Variants in COL11A2 observed in about 807,000 individuals in gnomAD.
COL11A2 encodes the protein collagen alpha-2(XI) chain.
Under a neutral mutation model 273.4 loss-of-function variants are expected in COL11A2, and 116 were observed. That is an observed-to-expected ratio of 0.42 (90% CI 0.36 to 0.49). The LOEUF (loss-of-function observed/expected upper bound fraction) is 0.49. Ranked by LOEUF, COL11A2 falls within the 20% of genes least tolerant of loss-of-function variation. The pLI, the probability that COL11A2 is intolerant of heterozygous loss-of-function variation, is 0.00. For missense variants in COL11A2, 1,866 were observed against 2,309.0 expected, an observed-to-expected ratio of 0.81 and a Z score of 3.93; for synonymous variants, 782 against 864.2, an observed-to-expected ratio of 0.90 and a Z score of 1.67.
rs142866592 is a variant in COL11A2, at chr6:33,180,011, C to T, written c.1360-206G>A. Among the ~76,000 whole-genome samples the T allele has an allele frequency of 2.2e-4, 33 of 152,326 alleles. 1 individual carries two copies. The Middle Eastern group carries it at 0.01, about 47-fold the overall frequency. On this transcript the variant is annotated intron_variant, in intron 12 of 65. Coordinates refer to ENST00000341947, the MANE Select transcript of COL11A2 (RefSeq NM_080680.3). Reference sequence around the variant, plus strand: ...TCCAGCCTCTGCCTCCAGAAAGACTCTCTTTTGGTTCTAGAGCTCCTGAAA... The same window carrying T: ...TCCAGCCTCTGCCTCCAGAAAGACTTTCTTTTGGTTCTAGAGCTCCTGAAA...
intron 11 of COL11A2, 24 bp downstream of exon 11, chr6:33,180,644 G>A (rs776117564): frequency 1.5e-5 from 24 of 1,588,966 alleles, no homozygotes; most frequent in South Asian, 3.4e-5. Context: ...AAGCTCCCCC[G>A]TCACATGGAG....
At chr6:33,187,166 T>G (rs1772537899) in intron 4 of COL11A2, among the ~76,000 whole-genome samples, 1 of 152,186 alleles carries the variant, frequency 6.6e-6, no homozygotes, top group Admixed American at 6.5e-5. Context: ...CTCTGCGCTT[T>G]GTGGCAATGC....
At chr6:33,168,680 G>C in intron 53 of COL11A2, 26 bp downstream of exon 53, 1 of 1,589,822 alleles carries the variant, frequency 6.3e-7, no homozygotes, top group Non-Finnish European at 8.6e-7. Flanking sequence ...GGGCTCAGGG[G>C]GGTGGTGGGG....
chr6:33,171,745 G>T lies in COL11A2; in HGVS notation c.3118C>A (p.Pro1040Thr), dbSNP rs759919085. The T allele has an allele frequency of 4.3e-5, 70 of 1,612,844 alleles. No individual in the cohort carries two copies. The highest frequency in any genetic ancestry group is 5.5e-5 in the Non-Finnish European group (65 of 1,179,990). ...CCTTTCTCTCCTGCTGCTCCAGGGG[G>T]ACCCTGCGGGCCTGGGCGCCCTGGC... ...GPPGRPGPQG[P>T]PGAAGEKGVP... The change falls in exon 42 of 66, where the codon CCC becomes ACC. Residue 1040 changes from proline to threonine, a missense_variant. Physicochemically the swap from Pro to Thr is conservative, Grantham distance 38 (BLOSUM62 -1). Transcript: ENST00000341947.
At chr6:33,172,984 C>T (rs1424790968) in intron 38 of COL11A2, 76 bp downstream of exon 38, 15 of 1,478,438 alleles carry the variant, frequency 1.0e-5, no homozygotes, top group East Asian at 2.3e-5. Context: ...GGGGCAGGGG[C>T]GTGTGACCGA....
rs764694092 is a variant in COL11A2, at chr6:33,176,353, G to T, written c.2170-50C>A. ...TAGACTGATCAGGGGATGGAGGTGG[G>T]TTGGAAGGACCAAGCTCCTAAGACC... On this transcript the variant is annotated intron_variant, in intron 27 of 65. Coordinates refer to ENST00000341947, the MANE Select transcript of COL11A2 (RefSeq NM_080680.3). This position sits in a 1 kb window ranked among gnomAD's most constrained non-coding sequence, Gnocchi z 4.9. 14 of 1,601,060 alleles carry T rather than the reference G, an allele frequency of 8.7e-6. No homozygotes were observed. The Admixed American group carries it at 2.4e-4, about 28-fold the overall frequency.
At position 33,177,139 on chromosome 6, in the gene COL11A2, C is replaced by T. The variant is rs770886269; in HGVS notation, c.2016+42G>A. The T allele has an allele frequency of 1.2e-6, 2 of 1,612,724 alleles. No individual in the cohort carries two copies. The highest frequency in any genetic ancestry group is 2.7e-5 in the African/African-American group (2 of 74,908). ...GACATTTAGGGTTCTCCCTACATCCCCACTCTAAACCCCCTGTCCTCCAAA... is the reference window on the plus strand; with the variant it reads ...GACATTTAGGGTTCTCCCTACATCCTCACTCTAAACCCCCTGTCCTCCAAA... On this transcript the variant is annotated intron_variant, in intron 24 of 65. Transcript: ENST00000341947. The surrounding 1 kb of genome is among the most constrained non-coding windows in gnomAD (Gnocchi z 5.9).
Position 33,177,207 on chromosome 6 carries a change from C to A in COL11A2, c.1990G>T (p.Gly664Cys). Reference protein sequence around the residue: ...PGTQGLPGPQGAIGPHGEKGP... With the variant: ...PGTQGLPGPQCAIGPHGEKGP... Reference sequence around the variant, plus strand: ...TTCTCTCCATGAGGGCCGATGGCACCCTGGGGCCCGGGAAGACCCTACATA... The same window carrying A: ...TTCTCTCCATGAGGGCCGATGGCACACTGGGGCCCGGGAAGACCCTACATA... Residue 664 changes from glycine to cysteine, a missense_variant, in exon 24 of 66, where the codon GGT becomes TGT. Transcript: ENST00000341947. The surrounding 1 kb of genome is among the most constrained non-coding windows in gnomAD (Gnocchi z 5.9). The A allele has an allele frequency of 6.2e-7, 1 of 1,613,076 alleles. No individual in the cohort carries two copies. The highest frequency in any genetic ancestry group is 8.5e-7 in the Non-Finnish European group (1 of 1,180,016).
chr6:33,170,784 A>G lies in COL11A2; in HGVS notation c.3474+26T>C, dbSNP rs768082690. On this transcript the variant is annotated intron_variant, in intron 46 of 65. Transcript: ENST00000341947. This position sits in a 1 kb window ranked among gnomAD's most constrained non-coding sequence, Gnocchi z 4.3. ...TCACCCCATCCTGACCCCACCTCTC[A>G]GCCCCTGTCCTATCCCCCAACACAC... 2 of 1,608,812 alleles carry G rather than the reference A, an allele frequency of 1.2e-6. No individual in the cohort carries two copies. The highest frequency in any genetic ancestry group is 2.2e-5 in the East Asian group (1 of 44,746).
chr6:33,166,889 G>GT lies in COL11A2; in HGVS notation c.4231-63_4231-62insA. The GT allele has an allele frequency of 6.4e-7, 1 of 1,569,796 alleles. No homozygotes were observed. The highest frequency in any genetic ancestry group is 8.7e-7 in the Non-Finnish European group (1 of 1,149,174). On this transcript the variant is annotated intron_variant, in intron 58 of 65. Transcript: ENST00000341947. The surrounding 1 kb of genome is among the most constrained non-coding windows in gnomAD (Gnocchi z 4.8). ...AGGAGTCATGTGGATGGGGGAGAAG[G>GT]GCCAAGAGGACATGGAGAGGGAGCC...
At chr6:33,168,832 C>T in intron 52 of COL11A2, 73 bp from the exon 53 acceptor site, 1 of 1,605,854 alleles carries the variant, frequency 6.2e-7, no homozygotes, top group Non-Finnish European at 8.5e-7. Context: ...GTCAATACCC[C>T]ATCCCCTTGC....
chr6:33,179,637 C>G lies in COL11A2; in HGVS notation c.1446+82G>C, dbSNP rs1408065020. On this transcript the variant is annotated intron_variant, in intron 13 of 65. Coordinates refer to ENST00000341947, the MANE Select transcript of COL11A2 (RefSeq NM_080680.3). The surrounding 1 kb of genome is among the most constrained non-coding windows in gnomAD (Gnocchi z 6.4). ...CTGTTAACCCCAAACCAACCCAGGC[C>G]TCCCCTGCCGCACACTCACTCCAGC... is the stretch of plus-strand genomic sequence containing the variant. The G allele has an allele frequency of 1.9e-6, 3 of 1,546,788 alleles. No homozygotes were observed. The highest frequency in any genetic ancestry group is 1.8e-6 in the Non-Finnish European group (2 of 1,131,010).
chr6:33,181,035 C>A, intron 9 of COL11A2, 30 bp from the exon 10 acceptor site: 1 of 1,614,144 alleles, frequency 6.2e-7, no homozygotes, highest in Non-Finnish European at 8.5e-7. Flanking sequence ...AAATCAGAGG[C>A]GACAGGACCA....
Position 33,168,735 on chromosome 6 carries a change from G to A in COL11A2, c.3877C>T (p.Arg1293Ter), listed in dbSNP as rs746754428. 1.3e-6 allele frequency: 2 copies of A among 1,595,716 alleles called. No individual in the cohort carries two copies. Among genetic ancestry groups the A allele is most frequent in the Admixed American group, 1.7e-5 (1 of 57,874 alleles). ...TGTCCTGGCTCACCATCCTCGCCTC[G>A]GTCACCCTTAGCACCATCCTGGCCC... The part of the protein sequence containing the change: ...PRGQDGAKGD[R>*]GEDGEPGQPG... The change falls in exon 53 of 66, where the codon CGA (arginine) becomes TGA (stop). Residue 1293 changes from arginine (R) to a stop codon, truncating the protein, a stop_gained. Transcript: ENST00000341947. LOFTEE classifies it high-confidence loss of function.
At position 33,166,172 on chromosome 6, in the gene COL11A2, G is replaced by A. The variant is rs746317342; in HGVS notation, c.4427C>T (p.Thr1476Ile). ...PAGPKGAKGA[T>I]GPGGPKGEKG... ...TCAGAGCTGAAGGGGGTCACTCACT[G>A]TGGCTCCTTTGGCTCCTTTGGGGCC... The change falls in exon 61 of 66, where the codon ACA becomes ATA. Residue 1476 changes from threonine to isoleucine, a missense_variant and splice_region_variant. Transcript: ENST00000341947. This position sits in a 1 kb window ranked among gnomAD's most constrained non-coding sequence, Gnocchi z 4.8. The A allele has an allele frequency of 2.5e-6, 4 of 1,607,942 alleles. No individual in the cohort carries two copies. The highest frequency in any genetic ancestry group is 3.4e-6 in the Non-Finnish European group (4 of 1,177,822).
Position 33,178,979 on chromosome 6 carries a change from A to G in COL11A2, c.1612-6T>C, listed in dbSNP as rs1172275769. 2 of 1,613,996 alleles carry G rather than the reference A, an allele frequency of 1.2e-6. No homozygotes were observed. Among genetic ancestry groups the G allele is most frequent in the Non-Finnish European group, 8.5e-7 (1 of 1,180,018 alleles). The stretch of plus-strand genomic sequence containing the variant: ...CCATCAGCACCTGCCCGGCCCTGGG[A>G]GAACAAGGGAAGTGTCAGAACAAGC... On this transcript the variant is annotated splice_region_variant and splice_polypyrimidine_tract_variant and intron_variant, in intron 16 of 65. Coordinates refer to ENST00000341947, the MANE Select transcript of COL11A2 (RefSeq NM_080680.3). This position sits in a 1 kb window ranked among gnomAD's most constrained non-coding sequence, Gnocchi z 4.6.
In COL11A2 at chr6:33,163,724, G is replaced by A. The variant is rs2229792; in HGVS notation, c.5165C>T (p.Pro1722Leu). ...CCCCAGCAGCACCCCTCCCCGCCTC[G>A]GTGGGGCTCCCAGGTCTGAGAAGGA... Reference protein sequence around the residue: ...DASFSDLGAPPRRGGVLLGPV... With the variant: ...DASFSDLGAPLRRGGVLLGPV... Residue 1722 changes from proline to leucine, a missense_variant, in exon 66 of 66, where the codon CCG becomes CTG. By Grantham distance (98) the Pro-to-Leu change is moderately conservative. Coordinates refer to ENST00000341947, the MANE Select transcript of COL11A2 (RefSeq NM_080680.3). The surrounding 1 kb of genome is among the most constrained non-coding windows in gnomAD (Gnocchi z 4.1). The A allele has an allele frequency of 0.02, 31,660 of 1,613,068 alleles. 535 individuals carry two copies. The highest frequency in any genetic ancestry group is 0.04 in the Middle Eastern group (245 of 6,062).
At position 33,190,791 on chromosome 6, in the gene COL11A2, C is replaced by T. The variant is rs1773013765; in HGVS notation, c.83-1322G>A. ...GGTGAGTGAGACAGAGACACAGAGACTCACAGAGACCCCAGGCCAAGGAGA... is the reference window on the plus strand; with the variant it reads ...GGTGAGTGAGACAGAGACACAGAGATTCACAGAGACCCCAGGCCAAGGAGA... On this transcript the variant is annotated intron_variant, in intron 1 of 65. Transcript: ENST00000341947. This position sits in a 1 kb window ranked among gnomAD's most constrained non-coding sequence, Gnocchi z 4.5. 6.6e-6 allele frequency among the ~76,000 whole-genome samples: 1 copy of T among 152,142 alleles called. No individual in the cohort carries two copies. The highest frequency in any genetic ancestry group is 6.5e-5 in the Admixed American group (1 of 15,288).
At position 33,170,965 on chromosome 6, in the gene COL11A2, G is replaced by A. The variant is rs1200067191; in HGVS notation, c.3367-48C>T. ...AGACAAGGACACAGGGATGGGTCAT[G>A]GGTCAGGTGTTCTCTATCCACAAAT... is the stretch of plus-strand genomic sequence containing the variant. On this transcript the variant is annotated intron_variant, in intron 45 of 65. Coordinates refer to ENST00000341947, the MANE Select transcript of COL11A2 (RefSeq NM_080680.3). This position sits in a 1 kb window ranked among gnomAD's most constrained non-coding sequence, Gnocchi z 4.3. 1 of 1,515,864 alleles carries A rather than the reference G, an allele frequency of 6.6e-7. No homozygotes were observed. The highest frequency in any genetic ancestry group is 1.9e-5 in the Admixed American group (1 of 51,458). 93.9% of individuals were successfully genotyped at this position (1,515,864 alleles called of 1,614,324 possible).
Sources: allele counts gnomAD v4.1 joint callset (sites outside exome capture counted in the v4.1 genomes callset), GRCh38; gene constraint gnomAD v4.1.1; non-coding constraint Gnocchi (gnomAD v3.1); transcripts MANE v1.5; gene names NCBI Gene and HGNC (gene_info 2026-07-23, HGNC 2026-07-21).